Variants in GRM8 observed in about 807,000 individuals in gnomAD.
GRM8 encodes metabotropic glutamate receptor 8.
GRM8 carries 47 observed loss-of-function variants against 87.2 expected under a neutral mutation model. The ratio of observed to expected loss-of-function variants is 0.54; its 90% CI spans 0.43 to 0.69. The LOEUF is 0.69. Ranked by LOEUF, GRM8 falls within the 30% of genes least tolerant of loss-of-function variation. The probability of loss-of-function intolerance (pLI) is 0.00; values close to 1 mark genes in which losing one functional copy is unlikely to be tolerated. For synonymous variants in GRM8, 396 were observed against 404.5 expected, an observed-to-expected ratio of 0.98 and a Z score of 0.25; for missense variants, 1,019 against 1,139.2, an observed-to-expected ratio of 0.89 and a Z score of 1.52.
chr7:127,200,587 G>A (rs1309590698), intron 2 of GRM8, among the ~76,000 whole-genome samples: 2 of 152,170 alleles, frequency 1.3e-5, no homozygotes, highest in Non-Finnish European at 2.9e-5. Context: ...CAAGGCATCA[G>A]CAGGCCCATG....
chr7:126,833,800 C>T (rs951158494), intron 6 of GRM8, among the ~76,000 whole-genome samples: 3 of 152,230 alleles, frequency 2.0e-5, no homozygotes, highest in East Asian at 3.9e-4. Flanking sequence ...TGGTCATCAA[C>T]CTTTAGGGTG....
In GRM8 at chr7:126,832,158, T is replaced by C. The variant is rs113256501; in HGVS notation, c.1157-62093A>G. Among the ~76,000 whole-genome samples, 1,396 of 141,394 alleles carry C rather than the reference T, an allele frequency of 9.9e-3. 12 individuals are homozygous for C. The highest frequency in any genetic ancestry group is 0.035 in the African/African-American group (1,299 of 37,432). 92.8% of individuals were successfully genotyped at this position (141,394 alleles called of 152,430 possible). On this transcript the variant is annotated intron_variant, in intron 6 of 10. Transcript: ENST00000339582. Reference sequence around the variant, plus strand: ...ATTGTCCAAGAGTTAGTACGCAACATAGTGCCATCTTCCAAAAAAAAAAAA... The same window carrying C: ...ATTGTCCAAGAGTTAGTACGCAACACAGTGCCATCTTCCAAAAAAAAAAAA...
At chr7:126,878,854 C>T (rs1799767296) in intron 6 of GRM8, among the ~76,000 whole-genome samples, 1 of 151,420 alleles carries the variant, frequency 6.6e-6, no homozygotes, top group Non-Finnish European at 1.5e-5. Flanking sequence ...AAAACTTGCC[C>T]TTTTTATTGT....
intron 3 of GRM8, among the ~76,000 whole-genome samples, chr7:127,052,715 C>T (rs1001441630): frequency 6.6e-6 from 1 of 152,140 alleles, no homozygotes; most frequent in African/African-American, 2.4e-5. Context: ...ATCGCTCACC[C>T]CAACATTAGA....
chr7:126,568,966 G>C (rs1794469638), intron 8 of GRM8, among the ~76,000 whole-genome samples: 1 of 152,032 alleles, frequency 6.6e-6, no homozygotes, highest in African/African-American at 2.4e-5. Context: ...AAACAATCAG[G>C]ATACATAATC....
At chr7:126,844,991 G>A (rs1295613810) in intron 6 of GRM8, among the ~76,000 whole-genome samples, 1 of 152,104 alleles carries the variant, frequency 6.6e-6, no homozygotes, top group Non-Finnish European at 1.5e-5. Context: ...TAGTAAGTGG[G>A]ATCCAGGATT....
intron 3 of GRM8, among the ~76,000 whole-genome samples, chr7:127,036,968 T>C (rs1247853310): frequency 6.6e-6 from 1 of 152,132 alleles, no homozygotes; most frequent in African/African-American, 2.4e-5. Flanking sequence ...CCTTTCCTTT[T>C]AATTTTCTCC....
intron 2 of GRM8, among the ~76,000 whole-genome samples, chr7:127,176,699 G>C (rs1424530034): frequency 2.0e-5 from 3 of 152,226 alleles, no homozygotes; most frequent in Non-Finnish European, 1.5e-5. Context: ...CTCTCACAGG[G>C]CTCCATGCAG....
intron 2 of GRM8, among the ~76,000 whole-genome samples, chr7:127,232,985 A>G (rs1328152343): frequency 6.6e-6 from 1 of 152,034 alleles, no homozygotes; most frequent in East Asian, 1.9e-4. Context: ...TTACAAGCAC[A>G]TGCCACCATG....
intron 6 of GRM8, among the ~76,000 whole-genome samples, chr7:126,839,356 A>G (rs529532238): frequency 2.6e-4 from 39 of 152,342 alleles, no homozygotes; most frequent in African/African-American, 9.1e-4. Flanking sequence ...CTGGATTTTA[A>G]TAAGATATCC....
intron 6 of GRM8, among the ~76,000 whole-genome samples, chr7:126,811,945 A>G (rs1311405578): frequency 6.6e-6 from 1 of 152,006 alleles, no homozygotes; most frequent in Non-Finnish European, 1.5e-5. Context: ...TCCAGTTCTT[A>G]GAAGAAATGA....
chr7:126,720,483 G>C lies in GRM8; in HGVS notation c.1357+49382C>G, dbSNP rs187019413. Among the ~76,000 whole-genome samples the C allele has an allele frequency of 2.0e-5, 3 of 152,158 alleles. No individual in the cohort carries two copies. In the East Asian group the frequency reaches 5.8e-4, roughly 29 times the overall value. On this transcript the variant is annotated intron_variant, in intron 7 of 10. Coordinates refer to ENST00000339582, the MANE Select transcript of GRM8 (RefSeq NM_000845.3). ...TTATTAGAGCAGTCATCATTCTTCT[G>C]ACAGAAAACCTTCCTGACAAGGGTT...
At chr7:126,749,683 T>G (rs1487531339) in intron 7 of GRM8, among the ~76,000 whole-genome samples, 1 of 151,964 alleles carries the variant, frequency 6.6e-6, no homozygotes, top group Non-Finnish European at 1.5e-5. Flanking sequence ...GATTTGAAGA[T>G]ACTTGATCAG....
chr7:126,898,450 A>T (rs1801753442), intron 6 of GRM8, among the ~76,000 whole-genome samples: 1 of 152,214 alleles, frequency 6.6e-6, no homozygotes, highest in Non-Finnish European at 1.5e-5. Flanking sequence ...CCACCCAGAG[A>T]CAAGTTATTT....
chr7:126,881,377 T>C (rs1222684662), intron 6 of GRM8, among the ~76,000 whole-genome samples: 3 of 152,184 alleles, frequency 2.0e-5, no homozygotes, highest in Non-Finnish European at 4.4e-5. Context: ...TGAAAGGACA[T>C]GATCACGGCC....
At chr7:127,219,781 A>C (rs887399309) in intron 2 of GRM8, 2 of 152,216 alleles carry the variant, frequency 1.3e-5, no homozygotes, top group African/African-American at 4.8e-5. Flanking sequence ...CGATGTACCC[A>C]TGAACCACTA....
intron 6 of GRM8, among the ~76,000 whole-genome samples, chr7:126,816,809 A>G (rs1322095807): frequency 6.6e-6 from 1 of 151,336 alleles, no homozygotes; most frequent in Non-Finnish European, 1.5e-5. Context: ...GAGGTACACA[A>G]ATAGTATGAC....
chr7:126,650,058 A>G (rs1803633298), intron 7 of GRM8, among the ~76,000 whole-genome samples: 1 of 152,196 alleles, frequency 6.6e-6, no homozygotes, highest in Admixed American at 6.5e-5. Flanking sequence ...GCTTTGGTGG[A>G]AACTGAATAT....
chr7:127,127,994 T>C (rs1827467071), intron 2 of GRM8, among the ~76,000 whole-genome samples: 1 of 152,250 alleles, frequency 6.6e-6, no homozygotes, highest in South Asian at 2.1e-4. Flanking sequence ...TTATCTCCAC[T>C]GGCACCTTTA....
Sources: allele counts gnomAD v4.1 joint callset (sites outside exome capture counted in the v4.1 genomes callset), GRCh38; gene constraint gnomAD v4.1.1; transcripts MANE v1.5; gene names NCBI Gene and HGNC (gene_info 2026-07-23, HGNC 2026-07-21).